SCHIP1: variants seen among roughly 807,000 people sequenced by gnomAD.
The protein encoded by SCHIP1 is schwannomin interacting protein 1.
Under a neutral mutation model 29.7 loss-of-function variants are expected in SCHIP1, and 8 were observed. The ratio of observed to expected loss-of-function variants is 0.27; its 90% CI spans 0.16 to 0.49. SCHIP1 has a LOEUF of 0.49. SCHIP1 is among the 20% of genes least tolerant of loss of function. The pLI, the probability that SCHIP1 is intolerant of heterozygous loss-of-function variation, is 0.99. For missense variants in SCHIP1, 193 were observed against 294.6 expected, an observed-to-expected ratio of 0.66 and a Z score of 2.52; for synonymous variants, 76 against 94.9, an observed-to-expected ratio of 0.80 and a Z score of 1.16.
chr3:159,644,934 G>A, the SCHIP1 span, among the ~76,000 whole-genome samples: 4 of 152,018 alleles, frequency 2.6e-5, no homozygotes. Flanking sequence ...GGGAACAAAG[G>A]CTGGAATGAG....
chr3:159,773,989 T>G, the SCHIP1 span, among the ~76,000 whole-genome samples: 1 of 152,264 alleles, frequency 6.6e-6, no homozygotes, highest in Admixed American at 6.5e-5. Context: ...TGAGAACTTC[T>G]TATTCCGACT....
the SCHIP1 span, among the ~76,000 whole-genome samples, chr3:159,301,376 C>CA: frequency 6.6e-6 from 1 of 152,034 alleles, no homozygotes; most frequent in Admixed American, 6.6e-5. Flanking sequence ...CTTAACACGA[C>CA]TTTTTTTTCT....
chr3:159,746,059 G>C, the SCHIP1 span, among the ~76,000 whole-genome samples: 2 of 152,202 alleles, frequency 1.3e-5, no homozygotes, highest in Admixed American at 1.3e-4. Context: ...AGTCTCTAGA[G>C]TGAGGTTATA....
the SCHIP1 span, among the ~76,000 whole-genome samples, chr3:159,725,020 T>C: frequency 6.6e-6 from 1 of 152,208 alleles, no homozygotes. Flanking sequence ...TTATGCCCCA[T>C]AATCATCAGG....
chr3:159,305,039 C>T, the SCHIP1 span, among the ~76,000 whole-genome samples: 2 of 152,114 alleles, frequency 1.3e-5, no homozygotes, highest in African/African-American at 4.8e-5. Context: ...CAGCTCTTAA[C>T]TTCCCAGCTT....
chr3:159,369,398 A>G, the SCHIP1 span, among the ~76,000 whole-genome samples: 1 of 152,134 alleles, frequency 6.6e-6, no homozygotes, highest in African/African-American at 2.4e-5. Flanking sequence ...TGTGGTATGT[A>G]TTCTTTGTCA....
chr3:159,372,128 C>T, the SCHIP1 span, among the ~76,000 whole-genome samples: 1 of 152,018 alleles, frequency 6.6e-6, no homozygotes, highest in African/African-American at 2.4e-5. Flanking sequence ...AATAGCATGC[C>T]TCAGCATTTT....
chr3:159,893,231 A>T (rs530391834), intron 6 of SCHIP1: 2 of 152,368 alleles, frequency 1.3e-5, no homozygotes, highest in African/African-American at 4.8e-5. Flanking sequence ...TTTAAGACTT[A>T]CGGGCAGCAC....
chr3:159,429,141 C>A, the SCHIP1 span, among the ~76,000 whole-genome samples: 2 of 149,020 alleles, frequency 1.3e-5, no homozygotes, highest in Non-Finnish European at 1.5e-5. Context: ...CACATGTATA[C>A]ATATGTAACT....
the SCHIP1 span, among the ~76,000 whole-genome samples, chr3:159,478,617 G>A: frequency 4.9e-4 from 75 of 152,018 alleles, no homozygotes; most frequent in African/African-American, 1.8e-3. Flanking sequence ...TGAAAAAAAT[G>A]GCATTGAAAT....
chr3:159,626,261 TA>T, the SCHIP1 span, among the ~76,000 whole-genome samples: 1 of 118,600 alleles, frequency 8.4e-6, no homozygotes, highest in Non-Finnish European at 1.9e-5. Context: ...TATAGATAGA[TA>T]GATAGATAGA....
chr3:159,597,078 C>T, the SCHIP1 span, among the ~76,000 whole-genome samples: 2 of 151,696 alleles, frequency 1.3e-5, no homozygotes, highest in Non-Finnish European at 2.9e-5. Flanking sequence ...CTTCTCTTAC[C>T]ACCATCAACT....
At chr3:159,765,926 A>G in the SCHIP1 span, among the ~76,000 whole-genome samples, 4 of 152,022 alleles carry the variant, frequency 2.6e-5, no homozygotes, top group East Asian at 1.9e-4. Context: ...GGAGTGGAAA[A>G]GAGGGAGGGA....
chr3:159,651,356 G>A, the SCHIP1 span, among the ~76,000 whole-genome samples: 2 of 152,096 alleles, frequency 1.3e-5, no homozygotes, highest in Non-Finnish European at 2.9e-5. Flanking sequence ...GTTTTTTTTA[G>A]TAAAGTTTAT....
the SCHIP1 span, among the ~76,000 whole-genome samples, chr3:159,494,970 G>A: frequency 1.2e-4 from 19 of 152,126 alleles, no homozygotes; most frequent in Non-Finnish European, 1.9e-4. Flanking sequence ...ATCAATAAAT[G>A]TAATCCAGCA....
chr3:159,537,289 A>G, the SCHIP1 span, among the ~76,000 whole-genome samples: 1 of 152,030 alleles, frequency 6.6e-6, no homozygotes, highest in African/African-American at 2.4e-5. Flanking sequence ...TTGCCCCAAC[A>G]CCTTGAACCA....
the SCHIP1 span, among the ~76,000 whole-genome samples, chr3:159,644,788 C>T: frequency 2.0e-5 from 3 of 152,020 alleles, no homozygotes; most frequent in African/African-American, 4.8e-5. Flanking sequence ...TGTCATTTAA[C>T]GTATAAGCAT....
At chr3:159,543,569 A>G in the SCHIP1 span, among the ~76,000 whole-genome samples, 2 of 151,584 alleles carry the variant, frequency 1.3e-5, no homozygotes, top group Non-Finnish European at 2.9e-5. Flanking sequence ...ATGGCTGCAT[A>G]GTATTCCATG....
At chr3:159,626,133 GATAGATATATCTAGAT>G in the SCHIP1 span, among the ~76,000 whole-genome samples, 3 of 105,074 alleles carry the variant, frequency 2.9e-5, no homozygotes, top group Admixed American at 8.4e-5. Context: ...TAGATAGATA[GATAGATATATCTAGAT>G]ATATATATAT....
Sources: gnomAD v4.1 joint callset for allele counts (sites outside exome capture counted in the v4.1 genomes callset) on GRCh38, gnomAD v4.1.1 for gene constraint, MANE v1.5 for transcripts, NCBI Gene and HGNC (gene_info 2026-07-23, HGNC 2026-07-21) for gene names.